ARHGAP39: variants seen among roughly 807,000 people sequenced by gnomAD.
The protein encoded by ARHGAP39 is rho GTPase-activating protein 39.
ARHGAP39 carries 44 observed loss-of-function variants against 106.9 expected under a neutral mutation model. The ratio of observed to expected loss-of-function variants is 0.41; its 90% CI spans 0.32 to 0.53. The LOEUF (loss-of-function observed/expected upper bound fraction) is 0.53. ARHGAP39 is among the 20% of genes least tolerant of loss of function. The probability of loss-of-function intolerance (pLI) is 0.21; values close to 1 mark genes in which losing one functional copy is unlikely to be tolerated. For synonymous variants in ARHGAP39, 768 were observed against 693.2 expected (o/e 1.11, Z -1.69); for missense variants, 1,496 against 1,577.3 (o/e 0.95, Z 0.87).
intron 2 of ARHGAP39, among the ~76,000 whole-genome samples, chr8:144,599,397 A>G (rs1382904851): frequency 1.3e-5 from 2 of 152,250 alleles, no homozygotes; most frequent in Non-Finnish European, 2.9e-5. Context: ...AATTGTGCAA[A>G]GAACACATAA....
intron 1 of ARHGAP39, among the ~76,000 whole-genome samples, chr8:144,612,071 T>C (rs1820508759): frequency 6.6e-6 from 1 of 151,468 alleles, no homozygotes; most frequent in Non-Finnish European, 1.5e-5. Flanking sequence ...AGGTCAAAGT[T>C]GCAGTGAGCC....
At position 144,685,724 on chromosome 8, in the gene ARHGAP39, A is replaced by G. The variant is rs1482591820; in HGVS notation, c.-120T>C. ...GCGGGCCGCGCCGCCACAGTCCCTC[A>G]TCCCGGCCCGCGCGACGCGCGTGAG... On this transcript the variant is annotated 5_prime_UTR_variant, in exon 1 of 12. An upstream start codon of the reference 5' UTR is lost. Coordinates refer to ENST00000377307, the MANE Select transcript of ARHGAP39 (RefSeq NM_025251.3). Among the ~76,000 whole-genome samples the G allele has an allele frequency of 6.8e-6, 1 of 146,784 alleles. No homozygotes were observed. The highest frequency in any genetic ancestry group is 1.5e-5 in the Non-Finnish European group (1 of 65,948).
rs185235851 is a variant in ARHGAP39, at chr8:144,611,550, T to C, written c.-81-5855A>G. ...TTATTAGGTGCATACACATTTACAGTGTCTTCTTGATGAATGAACTCTTTT... is the reference window on the plus strand; with the variant it reads ...TTATTAGGTGCATACACATTTACAGCGTCTTCTTGATGAATGAACTCTTTT... On this transcript the variant is annotated intron_variant, in intron 1 of 11. Transcript: ENST00000377307. 2.0e-3 allele frequency among the ~76,000 whole-genome samples: 300 copies of C among 152,372 alleles called. 1 individual carries two copies. The highest frequency in any genetic ancestry group is 6.9e-3 in the African/African-American group (286 of 41,582).
intron 1 of ARHGAP39, among the ~76,000 whole-genome samples, chr8:144,640,316 G>T (rs965914512): frequency 6.6e-6 from 1 of 152,156 alleles, no homozygotes; most frequent in Admixed American, 6.5e-5. Flanking sequence ...ATTCCCACAT[G>T]TTGGGGGAGC....
the ARHGAP39 span, chr8:144,698,699 G>T: frequency 1.7e-5 from 6 of 347,986 alleles, no homozygotes; most frequent in Non-Finnish European, 2.9e-5. Context: ...ATATTTTCTT[G>T]GCTTTTCCTG....
intron 2 of ARHGAP39, among the ~76,000 whole-genome samples, chr8:144,603,083 G>A (rs938514759): frequency 2.1e-5 from 3 of 145,390 alleles, no homozygotes; most frequent in African/African-American, 5.2e-5. Flanking sequence ...GTGCGTGGAG[G>A]TGTGTGCGCG....
rs1818249542 is a variant in ARHGAP39, at chr8:144,562,790, C to T, written c.513-7147G>A. Among the ~76,000 whole-genome samples the T allele has an allele frequency of 2.6e-5, 4 of 151,688 alleles. No homozygotes were observed. In the South Asian group the frequency reaches 8.3e-4, roughly 32 times the overall value. On this transcript the variant is annotated intron_variant, in intron 3 of 11. Coordinates refer to ENST00000377307, the MANE Select transcript of ARHGAP39 (RefSeq NM_025251.3). ...CCAGTGGTTTCCATCGGACTCACTC[C>T]AGTGGTTTCCATCGGACTCCAGTGG...
intron 1 of ARHGAP39, among the ~76,000 whole-genome samples, chr8:144,658,276 AT>A (rs748953919): frequency 2.4e-3 from 337 of 139,538 alleles, no homozygotes; most frequent in East Asian, 5.8e-3. Context: ...CACCCGGCTA[AT>A]TTTTTTTTTT....
chr8:144,608,959 AT>A (rs1167072029), intron 1 of ARHGAP39, among the ~76,000 whole-genome samples: 2 of 152,030 alleles, frequency 1.3e-5, no homozygotes, highest in Non-Finnish European at 2.9e-5. Flanking sequence ...TTTTTCACAG[AT>A]TTATTATGTT....
chr8:144,532,733 G>T (rs1045892485), intron 9 of ARHGAP39, among the ~76,000 whole-genome samples: 2 of 152,180 alleles, frequency 1.3e-5, no homozygotes, highest in African/African-American at 4.8e-5. Context: ...TGGGGCCTGG[G>T]TACCCCTTGC....
chr8:144,669,903 T>C (rs1310568947), intron 1 of ARHGAP39, among the ~76,000 whole-genome samples: 1 of 152,220 alleles, frequency 6.6e-6, no homozygotes, highest in African/African-American at 2.4e-5. Context: ...ATTGGAACCT[T>C]ATGTATCGCT....
intron 2 of ARHGAP39, among the ~76,000 whole-genome samples, chr8:144,592,232 G>A (rs1294382360): frequency 6.6e-6 from 1 of 151,838 alleles, no homozygotes; most frequent in African/African-American, 2.4e-5. Flanking sequence ...GGCACCTCCT[G>A]GGGGACAGCA....
chr8:144,624,134 T>G (rs1820877913), intron 1 of ARHGAP39, among the ~76,000 whole-genome samples: 1 of 152,146 alleles, frequency 6.6e-6, no homozygotes, highest in African/African-American at 2.4e-5. Context: ...TCGTGCTAAA[T>G]CAGCCAGGAG....
At chr8:144,651,211 T>C (rs1269299961) in intron 1 of ARHGAP39, among the ~76,000 whole-genome samples, 1 of 151,784 alleles carries the variant, frequency 6.6e-6, no homozygotes, top group East Asian at 1.9e-4. Context: ...AGGTAAAAGA[T>C]CTCTAAAATG....
chr8:144,695,462 T>C, the ARHGAP39 span, among the ~76,000 whole-genome samples: 3 of 149,542 alleles, frequency 2.0e-5, no homozygotes, highest in East Asian at 2.0e-4. Flanking sequence ...CCAGGGACTG[T>C]CTCTTCTAGG....
intron 3 of ARHGAP39, among the ~76,000 whole-genome samples, chr8:144,564,410 A>G (rs955491082): frequency 8.5e-5 from 13 of 152,246 alleles, no homozygotes; most frequent in Non-Finnish European, 1.5e-4. Flanking sequence ...TGCTCACAAG[A>G]TGGAAGTTCT....
chr8:144,534,308 G>A, intron 7 of ARHGAP39, 106 bp from the exon 8 acceptor site: 3 of 1,300,678 alleles, frequency 2.3e-6, no homozygotes, highest in Non-Finnish European at 3.3e-6. Flanking sequence ...GGGCTGGGCT[G>A]GCCTTGCCCC....
At chr8:144,668,743 A>G (rs1822023876) in intron 1 of ARHGAP39, among the ~76,000 whole-genome samples, 1 of 152,198 alleles carries the variant, frequency 6.6e-6, no homozygotes, top group South Asian at 2.1e-4. Context: ...CACACTGATC[A>G]ACAGAATTTA....
chr8:144,643,084 T>C (rs1821351724), intron 1 of ARHGAP39, among the ~76,000 whole-genome samples: 1 of 152,194 alleles, frequency 6.6e-6, no homozygotes, highest in Non-Finnish European at 1.5e-5. Context: ...AAGCTTCTGC[T>C]GTCAATGATC....
Sources: allele counts gnomAD v4.1 joint callset (sites outside exome capture counted in the v4.1 genomes callset), GRCh38; gene constraint gnomAD v4.1.1; transcripts MANE v1.5; gene names NCBI Gene and HGNC (gene_info 2026-07-23, HGNC 2026-07-21).